CD47: variants seen among roughly 807,000 people sequenced by gnomAD.
CD47 encodes leukocyte surface antigen CD47.
CD47 carries 11 observed loss-of-function variants against 44.6 expected under a neutral mutation model. The ratio of observed to expected loss-of-function variants is 0.25; its 90% CI spans 0.16 to 0.41. CD47 has a LOEUF of 0.41. Ranked by LOEUF, CD47 falls within the 10% of genes least tolerant of loss-of-function variation. The pLI is 1.00. For missense variants in CD47, 306 were observed against 386.7 expected (o/e 0.79, Z 1.75); for synonymous variants, 140 against 136.3 (o/e 1.03, Z -0.19).
chr3:108,090,756 C>T, intron 1 of CD47, 107 bp downstream of exon 1: 1 of 1,048,080 alleles, frequency 9.5e-7, no homozygotes. Flanking sequence ...TGTTCTGCGC[C>T]CCGGCCACCC....
chr3:108,052,438 C>G lies in CD47; in HGVS notation c.878-468G>C, dbSNP rs115537667. ...TCTCCACATCACTCCCTGGGTCTTT[C>G]CAGTTTCAAAGCTCCAAAGAGCTAA... is the stretch of plus-strand genomic sequence containing the variant. On this transcript the variant is annotated intron_variant, in intron 7 of 10. Transcript: ENST00000361309. The G allele has an allele frequency of 5.6e-3, 878 of 156,550 alleles. 7 individuals carry two copies. The highest frequency in any genetic ancestry group is 0.02 in the African/African-American group (843 of 41,596). The allele number at this position is 156,550 out of a possible 1,614,324, so 9.7% of individuals were successfully genotyped here.
At chr3:108,077,544 G>A (rs2079331827) in intron 2 of CD47, among the ~76,000 whole-genome samples, 2 of 152,070 alleles carry the variant, frequency 1.3e-5, no homozygotes, top group Admixed American at 1.3e-4. Flanking sequence ...ATACTTCTGA[G>A]CATTTATCCC....
At chr3:108,062,876 G>A (rs185282314) in intron 3 of CD47, among the ~76,000 whole-genome samples, 18 of 149,040 alleles carry the variant, frequency 1.2e-4, no homozygotes, top group African/African-American at 2.7e-4. Context: ...GGCTGATCTC[G>A]AGCTCCTTAC....
At chr3:108,080,505 A>G (rs995966413) in intron 1 of CD47, among the ~76,000 whole-genome samples, 161 bp from the exon 2 acceptor site, 1 of 151,904 alleles carries the variant, frequency 6.6e-6, no homozygotes, top group Non-Finnish European at 1.5e-5. Context: ...TATGCAAACA[A>G]ATTATATTTT....
At chr3:108,052,951 G>C (rs1189673083) in intron 7 of CD47, 1 of 152,868 alleles carries the variant, frequency 6.5e-6, no homozygotes, top group Non-Finnish European at 1.5e-5. Context: ...CTGGGCGACA[G>C]AGCGAGACTC....
chr3:108,049,990 G>A (rs568793628), intron 9 of CD47, among the ~76,000 whole-genome samples: 29 of 152,278 alleles, frequency 1.9e-4, no homozygotes, highest in African/African-American at 2.9e-4. Flanking sequence ...GCCATGCTTC[G>A]TCTCAACCAG....
intron 1 of CD47, among the ~76,000 whole-genome samples, chr3:108,089,959 G>A (rs903053421): frequency 8.3e-6 from 1 of 120,482 alleles, no homozygotes; most frequent in Non-Finnish European, 1.6e-5. Flanking sequence ...TACAGACGAA[G>A]CACACGTTTT....
intron 9 of CD47, among the ~76,000 whole-genome samples, chr3:108,049,854 C>A (rs1354491613): frequency 6.6e-6 from 1 of 152,114 alleles, no homozygotes; most frequent in Admixed American, 6.5e-5. Flanking sequence ...GTTGGGAAAT[C>A]AGATCTAGGT....
chr3:108,055,799 G>C (rs904769528), intron 7 of CD47, among the ~76,000 whole-genome samples: 21 of 152,122 alleles, frequency 1.4e-4, no homozygotes, highest in Admixed American at 2.0e-4. Flanking sequence ...GGTTTCACAG[G>C]CTTGGAGGAA....
At chr3:108,056,983 T>TA (rs775279718) in intron 7 of CD47, among the ~76,000 whole-genome samples, 3 of 152,176 alleles carry the variant, frequency 2.0e-5, no homozygotes, top group Non-Finnish European at 4.4e-5. Flanking sequence ...ACAAAATTGA[T>TA]AGATTGTGAA....
intron 1 of CD47, among the ~76,000 whole-genome samples, chr3:108,080,850 G>T (rs937171610): frequency 1.1e-4 from 16 of 151,694 alleles, no homozygotes; most frequent in African/African-American, 3.9e-4. Context: ...AAAGTGGCAG[G>T]TTCTACTGTA....
chr3:108,055,203 T>C (rs941841793), intron 7 of CD47, among the ~76,000 whole-genome samples: 3 of 152,170 alleles, frequency 2.0e-5, no homozygotes, highest in African/African-American at 7.2e-5. Context: ...AAGTTGGAAA[T>C]AATAAAAATT....
rs1326347179 is a variant in CD47, at chr3:108,049,622, C to T, written c.964G>A (p.Asp322Asn). Residue 322 changes from aspartate (D) to asparagine (N), a missense_variant, in exon 10 of 11, where the codon GAT becomes AAT. Around this residue, in one of 5 missense-constraint regions of CD47, gnomAD observed 131 missense variants for 135.3 expected, o/e 0.97. Transcript: ENST00000361309. The stretch of plus-strand genomic sequence containing the variant: ...ATTAAGTGCATTTTATACTTACCAT[C>T]ATTCATCATTCCTTTTGATTCTTTG... ...AFKESKGMMN[D>N]E 3.8e-6 allele frequency: 6 copies of T among 1,579,974 alleles called. No individual in the cohort carries two copies. In the East Asian group the frequency reaches 1.1e-4, roughly 29 times the overall value.
intron 1 of CD47, among the ~76,000 whole-genome samples, chr3:108,085,223 C>T (rs1295940095): frequency 6.6e-6 from 1 of 152,080 alleles, no homozygotes; most frequent in Non-Finnish European, 1.5e-5. Context: ...TAAATAGCCT[C>T]TTAACTGTTA....
intron 3 of CD47, among the ~76,000 whole-genome samples, chr3:108,066,931 A>G (rs1448837415): frequency 6.6e-6 from 1 of 152,226 alleles, no homozygotes; most frequent in Non-Finnish European, 1.5e-5. Flanking sequence ...AAACATTCAA[A>G]AAAACATTAA....
intron 6 of CD47, 77 bp from the exon 7 acceptor site, chr3:108,057,646 T>C (rs2078933901): frequency 2.6e-6 from 2 of 761,338 alleles, no homozygotes; most frequent in East Asian, 5.2e-5. Context: ...ATCCCAAGTT[T>C]TAAGAGAGTT....
chr3:108,074,277 A>G (rs1468104797), intron 2 of CD47, among the ~76,000 whole-genome samples: 1 of 152,140 alleles, frequency 6.6e-6, no homozygotes, highest in Non-Finnish European at 1.5e-5. Context: ...AATGACAGAG[A>G]GGAAGATTAC....
At chr3:108,064,865 T>C (rs2079076909) in intron 3 of CD47, among the ~76,000 whole-genome samples, 2 of 152,230 alleles carry the variant, frequency 1.3e-5, no homozygotes, top group Non-Finnish European at 2.9e-5. Context: ...TGTTGAGCTG[T>C]AAATGAATAT....
At chr3:108,079,484 G>A (rs781482571) in intron 2 of CD47, among the ~76,000 whole-genome samples, 3 of 141,956 alleles carry the variant, frequency 2.1e-5, no homozygotes, top group Non-Finnish European at 3.0e-5. Context: ...CCATGATAAC[G>A]TGATTTAATC....
Sources: allele counts gnomAD v4.1 joint callset (sites outside exome capture counted in the v4.1 genomes callset), GRCh38; gene constraint gnomAD v4.1.1; regional missense constraint gnomAD v4.1.1; transcripts MANE v1.5; gene names NCBI Gene and HGNC (gene_info 2026-07-23, HGNC 2026-07-21).